The following SLC1A1 variants were observed in gnomAD, a reference collection of about 807,000 sequenced individuals.
The protein encoded by SLC1A1 is excitatory amino acid transporter 3.
In SLC1A1, 43 loss-of-function variants were observed where a neutral mutation model predicts 53.3. The ratio of observed to expected loss-of-function variants is 0.81; its 90% CI spans 0.63 to 1.04. The LOEUF (loss-of-function observed/expected upper bound fraction) is 1.04. SLC1A1 is among the 50% of genes least tolerant of loss of function. The pLI, the probability that SLC1A1 is intolerant of heterozygous loss-of-function variation, is 0.00. For synonymous variants in SLC1A1, 307 were observed against 243.2 expected, an observed-to-expected ratio of 1.26 and a Z score of -2.44; for missense variants, 748 against 664.9, an observed-to-expected ratio of 1.12 and a Z score of -1.37.
chr9:4,495,647 G>A (rs370245979), intron 1 of SLC1A1, among the ~76,000 whole-genome samples: 3 of 152,082 alleles, frequency 2.0e-5, no homozygotes, highest in Non-Finnish European at 4.4e-5. Flanking sequence ...AAACATCAAG[G>A]AGTAGAATGA....
intron 1 of SLC1A1, among the ~76,000 whole-genome samples, chr9:4,525,106 C>T (rs1339014779): frequency 1.3e-5 from 2 of 152,102 alleles, no homozygotes; most frequent in Non-Finnish European, 2.9e-5. Flanking sequence ...GATCTTGGCC[C>T]ACGTGAGTGA....
At chr9:4,511,559 A>C (rs1351011000) in intron 1 of SLC1A1, among the ~76,000 whole-genome samples, 1 of 126,650 alleles carries the variant, frequency 7.9e-6, no homozygotes, top group Non-Finnish European at 1.7e-5. Context: ...TAAACTCTTA[A>C]GAATTCTACA....
chr9:4,500,300 C>A (rs1280863847), intron 1 of SLC1A1, among the ~76,000 whole-genome samples: 2 of 151,970 alleles, frequency 1.3e-5, no homozygotes, highest in Non-Finnish European at 2.9e-5. Context: ...TTTTAAATGG[C>A]CTTTTCTATT....
chr9:4,548,249 C>G (rs1452011225), intron 2 of SLC1A1, among the ~76,000 whole-genome samples: 4 of 152,132 alleles, frequency 2.6e-5, no homozygotes, highest in Non-Finnish European at 4.4e-5. Context: ...TAGTCTTCAG[C>G]CTCCCTACCC....
chr9:4,500,042 A>C (rs1820579312), intron 1 of SLC1A1, among the ~76,000 whole-genome samples: 1 of 152,188 alleles, frequency 6.6e-6, no homozygotes, highest in East Asian at 1.9e-4. Context: ...ATTGCTTGTG[A>C]GAAATTGTGA....
At chr9:4,529,690 T>C (rs577266428) in intron 1 of SLC1A1, among the ~76,000 whole-genome samples, 2 of 151,286 alleles carry the variant, frequency 1.3e-5, no homozygotes, top group Admixed American at 6.6e-5. Context: ...ATGAAACTTT[T>C]TTTGTGTGTG....
Position 4,566,075 on chromosome 9 carries a change from G to T in SLC1A1, c.469G>T (p.Ala157Ser), listed in dbSNP as rs1819458528. ...RNMFPENLVQ[A>S]CFQQYKTKRE... ...TATGTTCCCTGAGAATCTTGTCCAGGCCTGTTTTCAGCAGGTAATATTAAT... is the reference window on the plus strand; with the variant it reads ...TATGTTCCCTGAGAATCTTGTCCAGTCCTGTTTTCAGCAGGTAATATTAAT... Residue 157 changes from alanine (A) to serine (S), a missense_variant, in exon 5 of 12, where the codon GCC becomes TCC. By Grantham distance (99) the Ala-to-Ser change is moderately conservative (BLOSUM62 1). Coordinates refer to ENST00000262352, the MANE Select transcript of SLC1A1 (RefSeq NM_004170.6). 1 of 1,613,340 alleles carries T rather than the reference G, an allele frequency of 6.2e-7. No individual in the cohort carries two copies. The highest frequency in any genetic ancestry group is 1.3e-5 in the African/African-American group (1 of 74,970).
intron 1 of SLC1A1, among the ~76,000 whole-genome samples, chr9:4,498,188 C>T (rs116252895): frequency 0.033 from 4,966 of 152,134 alleles, 132 homozygotes; most frequent in South Asian, 0.059. Flanking sequence ...TAAGGGGGTT[C>T]AAAGGGCATT....
intron 10 of SLC1A1, among the ~76,000 whole-genome samples, chr9:4,577,776 A>G (rs1421077962): frequency 6.6e-6 from 1 of 152,200 alleles, no homozygotes; most frequent in East Asian, 1.9e-4. Context: ...CGCCCGGCAG[A>G]TTTGCATTTT....
At position 4,517,071 on chromosome 9, in the gene SLC1A1, C is replaced by A. The variant is rs114395156; in HGVS notation, c.91+26301C>A. ...CATTATTATCTTTATCTGTAAATAA[C>A]AGGCTTTTTAGATCAGATGATTAAA... On this transcript the variant is annotated intron_variant, in intron 1 of 11. Coordinates refer to ENST00000262352, the MANE Select transcript of SLC1A1 (RefSeq NM_004170.6). Among the ~76,000 whole-genome samples, 462 of 152,272 alleles carry A rather than the reference C, an allele frequency of 3.0e-3. 2 individuals are homozygous for A. The highest frequency in any genetic ancestry group is 0.01 in the African/African-American group (429 of 41,552).
At chr9:4,507,156 C>T (rs926686291) in intron 1 of SLC1A1, among the ~76,000 whole-genome samples, 21 of 152,078 alleles carry the variant, frequency 1.4e-4, no homozygotes, top group Non-Finnish European at 2.1e-4. Context: ...ATGGCGTGAA[C>T]CCGGGAGGTG....
intron 1 of SLC1A1, among the ~76,000 whole-genome samples, chr9:4,514,761 T>C (rs1035586537): frequency 3.3e-5 from 5 of 152,146 alleles, no homozygotes; most frequent in Non-Finnish European, 7.4e-5. Flanking sequence ...CCTGGAAAGA[T>C]AGCTCTGACT....
intron 6 of SLC1A1, among the ~76,000 whole-genome samples, chr9:4,569,831 C>G (rs1819855629): frequency 6.6e-6 from 1 of 152,186 alleles, no homozygotes; most frequent in African/African-American, 2.4e-5. Context: ...TCCACAAATA[C>G]TTTCTGAGCA....
chr9:4,537,967 TA>T (rs1012944669), intron 1 of SLC1A1, among the ~76,000 whole-genome samples: 96 of 152,180 alleles, frequency 6.3e-4, no homozygotes, highest in African/African-American at 2.2e-3. Flanking sequence ...ATATAGCCAT[TA>T]AAAATTATGA....
rs556412582 is a variant in SLC1A1 at position 4,504,095 on chromosome 9, G to T, written c.91+13325G>T. Among the ~76,000 whole-genome samples the T allele has an allele frequency of 3.3e-5, 5 of 152,312 alleles. No homozygotes were observed. In the South Asian group the frequency reaches 1.0e-3, roughly 32 times the overall value. On this transcript the variant is annotated intron_variant, in intron 1 of 11. Transcript: ENST00000262352. ...AGCTCCCAGACTGGAGAGCATCTCT[G>T]TACCCTAAGGAAGATCTGATCTTCT...
intron 2 of SLC1A1, among the ~76,000 whole-genome samples, chr9:4,557,296 C>T (rs10974620): frequency 6.6e-6 from 1 of 152,048 alleles, no homozygotes; most frequent in African/African-American, 2.4e-5. Context: ...AGGAGATTTG[C>T]GCGTAGCATC....
At chr9:4,517,551 C>T (rs985089627) in intron 1 of SLC1A1, among the ~76,000 whole-genome samples, 1 of 152,204 alleles carries the variant, frequency 6.6e-6, no homozygotes, top group Non-Finnish European at 1.5e-5. Flanking sequence ...GTGATATTTG[C>T]TTTCGGCTGA....
At chr9:4,529,154 C>T (rs1489010326) in intron 1 of SLC1A1, among the ~76,000 whole-genome samples, 1 of 152,176 alleles carries the variant, frequency 6.6e-6, no homozygotes, top group Non-Finnish European at 1.5e-5. Flanking sequence ...ACAGGATTCG[C>T]ACACTGCTTT....
Position 4,583,236 on chromosome 9 carries a change from G to C in SLC1A1, c.1328+64G>C, listed in dbSNP as rs1056644396. 6.3e-7 allele frequency: 1 copy of C among 1,598,514 alleles called. No individual in the cohort carries two copies. The stretch of plus-strand genomic sequence containing the variant: ...AGGCGGGCTTCCCAGCCTCGCAGGC[G>C]CTGCAGTCTGTCATCATTCTCTCCT... On this transcript the variant is annotated intron_variant, in intron 11 of 11. Transcript: ENST00000262352. The surrounding 1 kb of genome is among the most constrained non-coding windows in gnomAD (Gnocchi z 4.6).
Sources: gnomAD v4.1 joint callset for allele counts (sites outside exome capture counted in the v4.1 genomes callset) on GRCh38, gnomAD v4.1.1 for gene constraint, Gnocchi (gnomAD v3.1) non-coding constraint, MANE v1.5 for transcripts, NCBI Gene and HGNC (gene_info 2026-07-23, HGNC 2026-07-21) for gene names.